FHOD3: variants seen among roughly 807,000 people sequenced by gnomAD.
FHOD3 encodes the protein formin homology 2 domain containing 3.
A neutral mutation model predicts 173.0 loss-of-function variants in FHOD3; 90 were observed. That is an observed-to-expected ratio of 0.52 (90% confidence interval 0.44 to 0.62). FHOD3 has a LOEUF of 0.62. Ranked by LOEUF, FHOD3 falls within the 20% of genes least tolerant of loss-of-function variation. The pLI is 0.00. For missense variants in FHOD3, 1,945 were observed against 2,034.7 expected, an observed-to-expected ratio of 0.96 and a Z score of 0.85; for synonymous variants, 828 against 823.0, an observed-to-expected ratio of 1.01 and a Z score of -0.10.
chr18:36,717,739 C>A (rs977154530), intron 18 of FHOD3, 93 bp from the exon 19 acceptor site: 2 of 1,487,674 alleles, frequency 1.3e-6, no homozygotes, highest in Admixed American at 4.9e-5. Flanking sequence ...TGAAGTCACT[C>A]CCATGTGTCA....
At chr18:36,626,433 A>C (rs1599934282) in intron 10 of FHOD3, among the ~76,000 whole-genome samples, 1 of 152,190 alleles carries the variant, frequency 6.6e-6, no homozygotes, top group Non-Finnish European at 1.5e-5. Flanking sequence ...ATATGTATTT[A>C]AAGTATAAAG....
At chr18:36,299,622 A>G (rs1294208387) in intron 1 of FHOD3, among the ~76,000 whole-genome samples, 1 of 152,150 alleles carries the variant, frequency 6.6e-6, no homozygotes, top group African/African-American at 2.4e-5. Flanking sequence ...GAACAGCCCC[A>G]CAGTCTTGAT....
In FHOD3 at chr18:36,504,371, G is replaced by A. The variant is rs577634297; in HGVS notation, c.405+2372G>A. ...AGGGTCCCTCCGAATACCATTAAAA[G>A]TATCCTGTGCTTCATATACACCATG... On this transcript the variant is annotated intron_variant, in intron 4 of 28. Coordinates refer to ENST00000590592, the MANE Select transcript of FHOD3 (RefSeq NM_001281740.3). Among the ~76,000 whole-genome samples the A allele has an allele frequency of 1.6e-4, 25 of 152,196 alleles. No individual in the cohort carries two copies. In the South Asian group the frequency reaches 5.0e-3, roughly 30 times the overall value.
At chr18:36,653,037 C>T (rs895521666) in intron 12 of FHOD3, 108 bp downstream of exon 12, 16 of 1,390,260 alleles carry the variant, frequency 1.2e-5, no homozygotes, top group South Asian at 1.5e-5. Context: ...TTGTGGATTT[C>T]AGCCCAAGCA....
intron 5 of FHOD3, among the ~76,000 whole-genome samples, chr18:36,527,949 C>T (rs2056603386): frequency 6.6e-6 from 1 of 152,160 alleles, no homozygotes; most frequent in African/African-American, 2.4e-5. Flanking sequence ...GGCAGTCCTT[C>T]GTAAATACCC....
intron 17 of FHOD3, among the ~76,000 whole-genome samples, chr18:36,696,615 A>G (rs567522573): frequency 2.6e-5 from 4 of 152,354 alleles, no homozygotes; most frequent in Admixed American, 1.3e-4. Context: ...TTAATCTGCT[A>G]TAACTTTTGT....
intron 3 of FHOD3, among the ~76,000 whole-genome samples, chr18:36,410,156 A>G (rs1306695318): frequency 6.6e-6 from 1 of 152,110 alleles, no homozygotes; most frequent in East Asian, 1.9e-4. Context: ...ATTCACAGTC[A>G]CACCTAATTT....
intron 14 of FHOD3, among the ~76,000 whole-genome samples, chr18:36,667,486 T>A (rs2037256032): frequency 1.3e-5 from 2 of 152,220 alleles, no homozygotes; most frequent in Admixed American, 1.3e-4. Context: ...CAGTCCCAGA[T>A]GTCCTCCTAG....
rs537804775 is a variant in FHOD3 at position 36,401,778 on chromosome 18, G to A, written c.337+29034G>A. On this transcript the variant is annotated intron_variant, in intron 3 of 28. Transcript: ENST00000590592. ...GGCAGTGCTTAACCTGGCCCCTCAT[G>A]TTCTATCCCTCACACGGTATGTAGC... is the stretch of plus-strand genomic sequence containing the variant. Among the ~76,000 whole-genome samples the A allele has an allele frequency of 5.3e-5, 8 of 152,290 alleles. No homozygotes were observed. In the South Asian group the frequency reaches 1.7e-3, roughly 32 times the overall value.
At chr18:36,418,013 A>G (rs2049764977) in intron 3 of FHOD3, among the ~76,000 whole-genome samples, 1 of 152,196 alleles carries the variant, frequency 6.6e-6, no homozygotes, top group African/African-American at 2.4e-5. Flanking sequence ...TAAAAAGGAA[A>G]TGTCTTAGAC....
intron 3 of FHOD3, among the ~76,000 whole-genome samples, chr18:36,437,387 C>T (rs549518565): frequency 2.0e-5 from 3 of 152,218 alleles, no homozygotes; most frequent in South Asian, 2.1e-4. Flanking sequence ...TCTTCTATAT[C>T]GATTGGCCTA....
chr18:36,684,400 A>G (rs2038462233), intron 15 of FHOD3, among the ~76,000 whole-genome samples: 1 of 152,190 alleles, frequency 6.6e-6, no homozygotes, highest in South Asian at 2.1e-4. Flanking sequence ...AAGGACATAG[A>G]TATTATACAT....
Position 36,653,436 on chromosome 18 carries a change from T to G in FHOD3, c.1721+20T>G. The G allele has an allele frequency of 6.7e-7, 1 of 1,486,086 alleles. No homozygotes were observed. The highest frequency in any genetic ancestry group is 9.0e-7 in the Non-Finnish European group (1 of 1,106,602). The allele number at this position is 1,486,086 out of a possible 1,614,324, so 92.1% of individuals were successfully genotyped here. On this transcript the variant is annotated intron_variant, in intron 13 of 28. Coordinates refer to ENST00000590592, the MANE Select transcript of FHOD3 (RefSeq NM_001281740.3). Reference sequence around the variant, plus strand: ...TAATAGGTGGGTGTCTTTATTTTCTTTCCCTTTTCTGTAGCTTTCTGTTTT... The same window carrying G: ...TAATAGGTGGGTGTCTTTATTTTCTGTCCCTTTTCTGTAGCTTTCTGTTTT...
intron 3 of FHOD3, among the ~76,000 whole-genome samples, chr18:36,374,898 C>T (rs1023986796): frequency 6.6e-6 from 1 of 152,038 alleles, no homozygotes; most frequent in Admixed American, 6.6e-5. Flanking sequence ...CAGCTTTTAC[C>T]ATTAATTGCC....
chr18:36,348,075 C>T (rs16967780), intron 1 of FHOD3, among the ~76,000 whole-genome samples: 10,230 of 152,154 alleles, frequency 0.067, 1,118 homozygotes, highest in African/African-American at 0.23. Context: ...ATGATTGAAC[C>T]GAGTTTTGTG....
chr18:36,736,983 CAAATT>C (rs915661905), intron 20 of FHOD3, among the ~76,000 whole-genome samples: 2 of 152,270 alleles, frequency 1.3e-5, no homozygotes, highest in East Asian at 3.9e-4. Context: ...CTTAGAAAAA[CAAATT>C]AAAAATACTA....
intron 10 of FHOD3, among the ~76,000 whole-genome samples, chr18:36,627,084 T>C (rs1189636906): frequency 6.6e-6 from 1 of 152,228 alleles, no homozygotes; most frequent in Non-Finnish European, 1.5e-5. Context: ...CCTAAACTTC[T>C]AAACATATTA....
chr18:36,639,492 C>A (rs577149007), intron 10 of FHOD3, among the ~76,000 whole-genome samples: 32 of 152,088 alleles, frequency 2.1e-4, no homozygotes, highest in Admixed American at 2.0e-4. Flanking sequence ...AACCCCGTCT[C>A]TACTAAAAAA....
chr18:36,566,142 A>G (rs563130508), intron 5 of FHOD3, among the ~76,000 whole-genome samples: 60 of 152,206 alleles, frequency 3.9e-4, no homozygotes, highest in Non-Finnish European at 6.5e-4. Context: ...TGTTTGTGCA[A>G]AAAGTCAGAT....
Sources: gnomAD v4.1 joint callset for allele counts (sites outside exome capture counted in the v4.1 genomes callset) on GRCh38, gnomAD v4.1.1 for gene constraint, MANE v1.5 for transcripts, NCBI Gene and HGNC (gene_info 2026-07-23, HGNC 2026-07-21) for gene names.